The following NKAIN3 variants were observed in gnomAD, a reference collection of about 807,000 sequenced individuals.
The protein encoded by NKAIN3 is sodium/potassium-transporting ATPase subunit beta-1-interacting protein 3.
Under a neutral mutation model 30.2 loss-of-function variants are expected in NKAIN3, and 25 were observed. The ratio of observed to expected loss-of-function variants is 0.83; its 90% CI spans 0.60 to 1.16. NKAIN3 has a LOEUF of 1.16. NKAIN3 is among the 50% of genes most tolerant of loss of function. The pLI is 0.00. For synonymous variants in NKAIN3, 91 were observed against 89.6 expected, an observed-to-expected ratio of 1.02 and a Z score of -0.09; for missense variants, 225 against 254.1, an observed-to-expected ratio of 0.89 and a Z score of 0.78.
At chr8:62,516,144 G>C (rs1343431462) in intron 1 of NKAIN3, among the ~76,000 whole-genome samples, 1 of 152,226 alleles carries the variant, frequency 6.6e-6, no homozygotes, top group Non-Finnish European at 1.5e-5. Flanking sequence ...TGTATGGTTT[G>C]TGTATTTAGC....
rs1816063186 is a variant in NKAIN3, at chr8:62,746,191, C to T, written c.274-741C>T. Among the ~76,000 whole-genome samples, 3 of 152,206 alleles carry T rather than the reference C, an allele frequency of 2.0e-5. No homozygotes were observed. The South Asian group carries it at 6.2e-4, about 31-fold the overall frequency. ...CCCACTTTTGGTGGCTGGCAGCAATCCTTGCTGGCTGCCACATCCCAGTCT... is the reference window on the plus strand; with the variant it reads ...CCCACTTTTGGTGGCTGGCAGCAATTCTTGCTGGCTGCCACATCCCAGTCT... On this transcript the variant is annotated intron_variant, in intron 3 of 6. Transcript: ENST00000623646.
At chr8:62,611,665 C>G (rs1003077126) in intron 3 of NKAIN3, among the ~76,000 whole-genome samples, 1 of 152,044 alleles carries the variant, frequency 6.6e-6, no homozygotes, top group African/African-American at 2.4e-5. Context: ...TGTATACGTA[C>G]CACGTTTTAA....
At chr8:62,637,936 T>G (rs1812184725) in intron 3 of NKAIN3, among the ~76,000 whole-genome samples, 1 of 152,182 alleles carries the variant, frequency 6.6e-6, no homozygotes, top group Non-Finnish European at 1.5e-5. Flanking sequence ...CAGAGAAATG[T>G]ACTTATGGCA....
chr8:62,332,457 A>T (rs1252120403), intron 1 of NKAIN3, among the ~76,000 whole-genome samples: 1 of 152,170 alleles, frequency 6.6e-6, no homozygotes, highest in African/African-American at 2.4e-5. Flanking sequence ...TCCAATTAGG[A>T]AAATGAATAA....
rs545808451 is a variant in NKAIN3 at position 62,542,366 on chromosome 8, G to A, written c.55-37173G>A. Among the ~76,000 whole-genome samples, 130 of 152,202 alleles carry A rather than the reference G, an allele frequency of 8.5e-4. 1 individual carries two copies. The highest frequency in any genetic ancestry group is 2.7e-3 in the African/African-American group (114 of 41,520). ...CATGGAGTGAAAAGGGGTTTCTCAGGTCTAACTGTTCTTTGTTTTTTTTGG... is the reference window on the plus strand; with the variant it reads ...CATGGAGTGAAAAGGGGTTTCTCAGATCTAACTGTTCTTTGTTTTTTTTGG... On this transcript the variant is annotated intron_variant, in intron 1 of 6. Coordinates refer to ENST00000623646, the MANE Select transcript of NKAIN3 (RefSeq NM_001304533.3).
chr8:62,885,612 A>G (rs1018857453), intron 4 of NKAIN3, among the ~76,000 whole-genome samples: 5 of 152,020 alleles, frequency 3.3e-5, no homozygotes, highest in Non-Finnish European at 5.9e-5. Flanking sequence ...GGATTTTTCT[A>G]TTTCTCTTTG....
chr8:62,285,952 C>T (rs1403322040), intron 1 of NKAIN3, among the ~76,000 whole-genome samples: 2 of 152,124 alleles, frequency 1.3e-5, no homozygotes, highest in Non-Finnish European at 2.9e-5. Flanking sequence ...ATGTATGATG[C>T]ACCTTCTTCC....
intron 5 of NKAIN3, among the ~76,000 whole-genome samples, chr8:62,945,826 C>T (rs1469179351): frequency 1.3e-5 from 2 of 152,118 alleles, no homozygotes; most frequent in Admixed American, 1.3e-4. Context: ...TTGGGGATTG[C>T]CCTCAGTGTT....
At position 62,761,406 on chromosome 8, in the gene NKAIN3, G is replaced by A. The variant is rs77465568; in HGVS notation, c.471+14277G>A. ...ACACTTAGAGTATGCGAATCAGAAG[G>A]GTGGTTCACAGCTGAAGGACTCTAA... is the stretch of plus-strand genomic sequence containing the variant. On this transcript the variant is annotated intron_variant, in intron 4 of 6. Transcript: ENST00000623646. Among the ~76,000 whole-genome samples the A allele has an allele frequency of 5.1e-3, 779 of 152,242 alleles. 9 individuals are homozygous for A. The highest frequency in any genetic ancestry group is 0.018 in the African/African-American group (727 of 41,536).
At chr8:62,759,986 A>C (rs1402602392) in intron 4 of NKAIN3, among the ~76,000 whole-genome samples, 1 of 152,256 alleles carries the variant, frequency 6.6e-6, no homozygotes, top group Non-Finnish European at 1.5e-5. Context: ...GATACTTCTC[A>C]AAAGAAGACA....
At chr8:62,265,675 A>G (rs1461052946) in intron 1 of NKAIN3, among the ~76,000 whole-genome samples, 1 of 152,212 alleles carries the variant, frequency 6.6e-6, no homozygotes, top group Non-Finnish European at 1.5e-5. Context: ...CTGAAGTAGA[A>G]TCGCTGGAAA....
chr8:62,644,179 G>C (rs1344645119), intron 3 of NKAIN3, among the ~76,000 whole-genome samples: 4 of 152,054 alleles, frequency 2.6e-5, no homozygotes, highest in Admixed American at 6.6e-5. Context: ...CACTCTCTTA[G>C]TCCCTTCAGC....
intron 4 of NKAIN3, among the ~76,000 whole-genome samples, chr8:62,763,702 G>A (rs1457323920): frequency 1.3e-5 from 2 of 152,174 alleles, no homozygotes; most frequent in African/African-American, 4.8e-5. Flanking sequence ...TGAAGTCAAT[G>A]ATTACAAGAA....
intron 5 of NKAIN3, among the ~76,000 whole-genome samples, chr8:62,935,643 T>C (rs991461527): frequency 3.3e-5 from 5 of 152,114 alleles, no homozygotes; most frequent in African/African-American, 1.2e-4. Context: ...AAGATCGATA[T>C]ACATAGAGAG....
At position 62,965,495 on chromosome 8, in the gene NKAIN3, C is replaced by G. The variant is rs1480108509; in HGVS notation, c.*88C>G. The G allele has an allele frequency of 1.0e-6, 1 of 985,340 alleles. No individual in the cohort carries two copies. The highest frequency in any genetic ancestry group is 1.2e-6 in the Non-Finnish European group (1 of 829,880). The allele number at this position is 985,340 out of a possible 1,614,324, so 61.0% of individuals were successfully genotyped here. ...GGCTAGACTGTGCTTCCTGGCTTTC[C>G]CACGAATCATGGAGCATTTTGGTCA... On this transcript the variant is annotated 3_prime_UTR_variant, in exon 7 of 7. Coordinates refer to ENST00000623646, the MANE Select transcript of NKAIN3 (RefSeq NM_001304533.3).
rs148411087 is a variant in NKAIN3, at chr8:62,962,038, G to A, written c.604-3316G>A. Among the ~76,000 whole-genome samples the A allele has an allele frequency of 1.4e-4, 22 of 152,240 alleles. 1 individual carries two copies. In the East Asian group the frequency reaches 3.9e-3, roughly 27 times the overall value. On this transcript the variant is annotated intron_variant, in intron 6 of 6. Transcript: ENST00000623646. ...AAATTTGGCCCAGGCAGTTCTCAACGATAGGAATCACTCCAACAAATAGTT... is the reference window on the plus strand; with the variant it reads ...AAATTTGGCCCAGGCAGTTCTCAACAATAGGAATCACTCCAACAAATAGTT...
intron 4 of NKAIN3, among the ~76,000 whole-genome samples, chr8:62,841,614 C>A (rs1433622117): frequency 2.0e-5 from 3 of 152,142 alleles, no homozygotes; most frequent in African/African-American, 7.2e-5. Context: ...CTTAGCATAA[C>A]ATCTGCTAGA....
rs1204728105 is a variant in NKAIN3 at position 62,942,271 on chromosome 8, CAT to C, written c.533-11621_533-11620del. ...ACATATATATATACACATATATATA[CAT>C]ATATATATACACATATATATATACA... On this transcript the variant is annotated intron_variant, in intron 5 of 6. Coordinates refer to ENST00000623646, the MANE Select transcript of NKAIN3 (RefSeq NM_001304533.3). Among the ~76,000 whole-genome samples the C allele has an allele frequency of 9.7e-5, 9 of 92,700 alleles. No homozygotes were observed. The South Asian group carries it at 1.5e-3, about 16-fold the overall frequency. 60.8% of individuals were successfully genotyped at this position (92,700 alleles called of 152,430 possible).
At chr8:62,316,259 G>A (rs936388034) in intron 1 of NKAIN3, among the ~76,000 whole-genome samples, 3 of 152,016 alleles carry the variant, frequency 2.0e-5, no homozygotes, top group African/African-American at 7.2e-5. Flanking sequence ...AGTAACGAAG[G>A]AAATGCTCAT....
Sources: gnomAD v4.1 joint callset for allele counts (sites outside exome capture counted in the v4.1 genomes callset) on GRCh38, gnomAD v4.1.1 for gene constraint, MANE v1.5 for transcripts, NCBI Gene and HGNC (gene_info 2026-07-23, HGNC 2026-07-21) for gene names.